Variants in PTPRD observed in about 807,000 individuals in gnomAD.
PTPRD encodes receptor-type tyrosine-protein phosphatase delta.
A neutral mutation model predicts 214.5 loss-of-function variants in PTPRD; 34 were observed. The ratio of observed to expected loss-of-function variants is 0.16; its 90% CI spans 0.12 to 0.21. PTPRD has a LOEUF of 0.21. Ranked by LOEUF, PTPRD falls within the 10% of genes least tolerant of loss-of-function variation. PTPRD has a pLI of 1.00. For missense variants in PTPRD, 2,545 were observed against 2,398.7 expected (o/e 1.06, Z -1.27); for synonymous variants, 1,128 against 845.7 (o/e 1.33, Z -5.79).
rs1320658436 is a variant in PTPRD at position 8,971,488 on chromosome 9, T to C, written c.-104+47209A>G. Among the ~76,000 whole-genome samples, 7 of 151,908 alleles carry C rather than the reference T, an allele frequency of 4.6e-5. 1 individual carries two copies. Among genetic ancestry groups the C allele is most frequent in the Middle Eastern group, 3.4e-3 (1 of 294 alleles). ...ATCTGTGAGATGGGAAGGACAGTTA[T>C]GCCTAATTCACAAAGTTATTGTGAA... On this transcript the variant is annotated intron_variant, in intron 11 of 45. Transcript: ENST00000381196.
intron 27 of PTPRD, among the ~76,000 whole-genome samples, chr9:8,488,142 A>T (rs1044566372): frequency 6.6e-6 from 1 of 152,222 alleles, no homozygotes; most frequent in African/African-American, 2.4e-5. Flanking sequence ...TAAAAAAATC[A>T]CTAAAAAGAT....
chr9:8,912,826 T>G (rs2098757467), intron 11 of PTPRD, among the ~76,000 whole-genome samples: 1 of 152,168 alleles, frequency 6.6e-6, no homozygotes, highest in Non-Finnish European at 1.5e-5. Context: ...CCTGGTAAAG[T>G]TGCCACAGCT....
chr9:9,357,434 G>A (rs187433002), intron 9 of PTPRD, among the ~76,000 whole-genome samples: 1 of 151,254 alleles, frequency 6.6e-6, no homozygotes, highest in East Asian at 1.9e-4. Flanking sequence ...GGATGATCTT[G>A]TATGTAATCA....
chr9:9,164,110 T>A (rs965024033), intron 10 of PTPRD, among the ~76,000 whole-genome samples: 1 of 151,920 alleles, frequency 6.6e-6, no homozygotes, highest in African/African-American at 2.4e-5. Context: ...TTACACCAAT[T>A]TTTTTTTGCT....
At chr9:9,469,903 G>C (rs982211794) in intron 8 of PTPRD, among the ~76,000 whole-genome samples, 1 of 152,118 alleles carries the variant, frequency 6.6e-6, no homozygotes, top group African/African-American at 2.4e-5. Context: ...ATTCAATCAG[G>C]AATCATTCTC....
intron 7 of PTPRD, among the ~76,000 whole-genome samples, chr9:9,607,156 G>T (rs1302450340): frequency 6.6e-6 from 1 of 151,868 alleles, no homozygotes; most frequent in East Asian, 1.9e-4. Flanking sequence ...GCACATCAAA[G>T]CCCTCTGAGG....
intron 5 of PTPRD, among the ~76,000 whole-genome samples, chr9:9,806,616 A>C (rs1027028952): frequency 1.3e-5 from 2 of 152,016 alleles, no homozygotes; most frequent in Admixed American, 1.3e-4. Context: ...ACCACCCTTT[A>C]CTGACTCCTT....
At chr9:10,324,808 C>G (rs989565170) in intron 3 of PTPRD, among the ~76,000 whole-genome samples, 3 of 151,996 alleles carry the variant, frequency 2.0e-5, no homozygotes, top group African/African-American at 7.2e-5. Context: ...TGATACCTCA[C>G]TTACTGTAAG....
At chr9:10,056,725 G>A (rs958769312) in intron 3 of PTPRD, among the ~76,000 whole-genome samples, 8 of 152,134 alleles carry the variant, frequency 5.3e-5, no homozygotes, top group South Asian at 4.1e-4. Flanking sequence ...CTTCTCTACC[G>A]GGAGTCATTG....
chr9:10,318,498 T>C (rs183953489), intron 3 of PTPRD, among the ~76,000 whole-genome samples: 1 of 152,054 alleles, frequency 6.6e-6, no homozygotes, highest in East Asian at 1.9e-4. Context: ...AAGTAATTGC[T>C]TTCCCAGGAC....
At chr9:8,556,104 C>G (rs2083669537) in intron 14 of PTPRD, among the ~76,000 whole-genome samples, 1 of 152,210 alleles carries the variant, frequency 6.6e-6, no homozygotes, top group Non-Finnish European at 1.5e-5. Context: ...TTCAAGCTCT[C>G]TCGCCCTGCT....
At chr9:9,675,541 A>G (rs765680261) in intron 7 of PTPRD, among the ~76,000 whole-genome samples, 14 of 151,908 alleles carry the variant, frequency 9.2e-5, no homozygotes, top group Non-Finnish European at 2.1e-4. Context: ...TTAGTACTGC[A>G]TTTTTATAGG....
At chr9:8,710,108 C>T (rs1026449636) in intron 12 of PTPRD, among the ~76,000 whole-genome samples, 2 of 152,172 alleles carry the variant, frequency 1.3e-5, no homozygotes, top group Non-Finnish European at 2.9e-5. Context: ...GGTGCACGCA[C>T]ATCCTAAGTG....
intron 12 of PTPRD, among the ~76,000 whole-genome samples, chr9:8,690,689 G>A (rs1422061073): frequency 6.6e-6 from 1 of 151,832 alleles, no homozygotes; most frequent in African/African-American, 2.4e-5. Flanking sequence ...GACAGAGGGG[G>A]GAGAATGAAA....
chr9:10,078,441 G>A (rs902143432), intron 3 of PTPRD, among the ~76,000 whole-genome samples: 24 of 149,108 alleles, frequency 1.6e-4, no homozygotes, highest in Admixed American at 2.7e-4. Context: ...GCTTGAACCT[G>A]GGAGGTGGAG....
In PTPRD at chr9:9,730,272, T is replaced by TA. The variant is rs535582407; in HGVS notation, c.-287+4260dup. ...ATTTGCAAGTTACCTATAATACTGT[T>TA]AAAAAAAATTCAGGACGGCCAAACT... On this transcript the variant is annotated intron_variant, in intron 7 of 45. Transcript: ENST00000381196. 1.5e-3 allele frequency among the ~76,000 whole-genome samples: 221 copies of TA among 152,118 alleles called. 1 individual carries two copies. The highest frequency in any genetic ancestry group is 4.6e-3 in the African/African-American group (190 of 41,514).
rs146558704 is a variant in PTPRD, at chr9:9,592,426, A to G, written c.-286-17645T>C. ...TTATATGTTCATATACAATATGAAAAATAATTGAAGAGCAAACTCCCAGTC... is the reference window on the plus strand; with the variant it reads ...TTATATGTTCATATACAATATGAAAGATAATTGAAGAGCAAACTCCCAGTC... On this transcript the variant is annotated intron_variant, in intron 7 of 45. Coordinates refer to ENST00000381196, the MANE Select transcript of PTPRD (RefSeq NM_002839.4). Among the ~76,000 whole-genome samples, 652 of 152,198 alleles carry G rather than the reference A, an allele frequency of 4.3e-3. 2 individuals carry two copies. Among genetic ancestry groups the G allele is most frequent in the Non-Finnish European group, 7.3e-3 (497 of 67,972 alleles).
chr9:9,250,443 G>C (rs34745769), intron 9 of PTPRD, among the ~76,000 whole-genome samples: 30,561 of 152,014 alleles, frequency 0.2, 3,625 homozygotes, highest in Middle Eastern at 0.32. Flanking sequence ...GTTATAGTTA[G>C]GTGAGACAAG....
At chr9:8,796,445 A>T (rs940897328) in intron 11 of PTPRD, among the ~76,000 whole-genome samples, 1 of 152,174 alleles carries the variant, frequency 6.6e-6, no homozygotes, top group African/African-American at 2.4e-5. Flanking sequence ...AATTATCAGC[A>T]GCTCAGAGTA....
Sources: gnomAD v4.1 joint callset for allele counts (sites outside exome capture counted in the v4.1 genomes callset) on GRCh38, gnomAD v4.1.1 for gene constraint, MANE v1.5 for transcripts, NCBI Gene and HGNC (gene_info 2026-07-23, HGNC 2026-07-21) for gene names.